The following IQGAP2 variants were observed in gnomAD, a reference collection of about 807,000 sequenced individuals.
The protein encoded by IQGAP2 is IQ motif containing GTPase activating protein 2.
Under a neutral mutation model 201.3 loss-of-function variants are expected in IQGAP2, and 173 were observed. That is an observed-to-expected ratio of 0.86 (90% CI 0.76 to 0.98). The LOEUF (loss-of-function observed/expected upper bound fraction) is 0.98, where lower values mean the gene tolerates loss of function less well. IQGAP2 is among the 50% of genes least tolerant of loss of function. IQGAP2 has a pLI of 0.00. For missense variants in IQGAP2, 1,687 were observed against 1,864.8 expected (o/e 0.90, Z 1.76); for synonymous variants, 675 against 673.9 (o/e 1.00, Z -0.03).
rs113048490 is a variant in IQGAP2 at position 76,583,383 on chromosome 5, C to T, written c.459-5523C>T. On this transcript the variant is annotated intron_variant, in intron 5 of 35. Coordinates refer to ENST00000274364, the MANE Select transcript of IQGAP2 (RefSeq NM_006633.5). Reference sequence around the variant, plus strand: ...TCCCACACAGAGATTAGGTGTAAAACGCCCATACCATGAAAAGTGATCTTT... The same window carrying T: ...TCCCACACAGAGATTAGGTGTAAAATGCCCATACCATGAAAAGTGATCTTT... Among the ~76,000 whole-genome samples the T allele has an allele frequency of 8.3e-3, 1,267 of 151,910 alleles. 16 individuals carry two copies. Among genetic ancestry groups the T allele is most frequent in the African/African-American group, 0.028 (1,172 of 41,404 alleles).
chr5:76,455,214 T>A (rs1754003064), intron 1 of IQGAP2, among the ~76,000 whole-genome samples: 1 of 151,976 alleles, frequency 6.6e-6, no homozygotes, highest in African/African-American at 2.4e-5. Flanking sequence ...TTTGGGAGGC[T>A]GAGGTGGGCA....
At chr5:76,684,551 T>G (rs1221223093) in intron 30 of IQGAP2, among the ~76,000 whole-genome samples, 1 of 152,144 alleles carries the variant, frequency 6.6e-6, no homozygotes, top group Non-Finnish European at 1.5e-5. Flanking sequence ...TACAACACCA[T>G]AAATCAAAAG....
chr5:76,571,399 GT>G (rs1457380280), intron 4 of IQGAP2, among the ~76,000 whole-genome samples: 1 of 152,024 alleles, frequency 6.6e-6, no homozygotes, highest in African/African-American at 2.4e-5. Flanking sequence ...GGCCAGGCTG[GT>G]CTCAGTCTCC....
chr5:76,520,921 C>T (rs1758646358), intron 2 of IQGAP2, among the ~76,000 whole-genome samples: 1 of 151,816 alleles, frequency 6.6e-6, no homozygotes, highest in South Asian at 2.1e-4. Context: ...GCTGGCCAGG[C>T]TGGTCTCAAA....
chr5:76,443,126 G>A (rs1292821317), intron 1 of IQGAP2, among the ~76,000 whole-genome samples: 1 of 152,206 alleles, frequency 6.6e-6, no homozygotes, highest in Non-Finnish European at 1.5e-5. Flanking sequence ...GTTTTAGGAA[G>A]GGGCTGGACA....
intron 7 of IQGAP2, 46 bp downstream of exon 7, chr5:76,589,774 C>G (rs1235910105): frequency 1.0e-6 from 1 of 968,088 alleles, no homozygotes; most frequent in Non-Finnish European, 1.5e-6. Context: ...TGAGACTTAC[C>G]TGTACTTTAC....
At chr5:76,526,781 A>G (rs1759000551) in intron 2 of IQGAP2, among the ~76,000 whole-genome samples, 1 of 152,110 alleles carries the variant, frequency 6.6e-6, no homozygotes, top group Non-Finnish European at 1.5e-5. Context: ...AGGTCTGGCT[A>G]CTCTATTAGA....
intron 19 of IQGAP2, 59 bp downstream of exon 19, chr5:76,654,330 A>G: frequency 1.8e-6 from 2 of 1,094,152 alleles, no homozygotes; most frequent in South Asian, 2.7e-5. Flanking sequence ...TGAATGCTTT[A>G]TTGAAAGTTA....
At chr5:76,659,482 G>A (rs138885057) in intron 21 of IQGAP2, among the ~76,000 whole-genome samples, 4 of 152,160 alleles carry the variant, frequency 2.6e-5, no homozygotes, top group African/African-American at 9.7e-5. Flanking sequence ...ACAACTATTT[G>A]TAAAGTTCAA....
chr5:76,443,488 T>TA (rs1180197454), intron 1 of IQGAP2, among the ~76,000 whole-genome samples: 3 of 149,764 alleles, frequency 2.0e-5, no homozygotes, highest in Admixed American at 1.3e-4. Context: ...TTTTTTTAAT[T>TA]AAAAAAAAAT....
At chr5:76,447,402 C>T (rs1036613503) in intron 1 of IQGAP2, among the ~76,000 whole-genome samples, 3 of 152,106 alleles carry the variant, frequency 2.0e-5, no homozygotes, top group Admixed American at 1.3e-4. Context: ...GCATTCAAGC[C>T]GGCAATGGCA....
chr5:76,681,590 G>A (rs140150764), intron 28 of IQGAP2, among the ~76,000 whole-genome samples: 38 of 151,904 alleles, frequency 2.5e-4, no homozygotes, highest in African/African-American at 9.2e-4. Flanking sequence ...TGCAACCCTT[G>A]CACCCCGTTG....
At chr5:76,559,193 A>G (rs879387136) in intron 2 of IQGAP2, among the ~76,000 whole-genome samples, 3 of 152,070 alleles carry the variant, frequency 2.0e-5, no homozygotes, top group South Asian at 2.1e-4. Flanking sequence ...GAGCCACCGC[A>G]CCTGGCCCTC....
Position 76,698,095 on chromosome 5 carries a change from A to T in IQGAP2, c.4315A>T (p.Ile1439Phe). ...NKKAAFYEEQ[I>F]NYYDTYIKTC... ...GAAGGCAGCATTTTATGAAGAGCAA[A>T]TCAATTATTATGACACCTACATAAA... Residue 1439 changes from isoleucine to phenylalanine, a missense_variant, in exon 33 of 36, where the codon ATC becomes TTC. Transcript: ENST00000274364. 2 of 1,611,524 alleles carry T rather than the reference A, an allele frequency of 1.2e-6. No individual in the cohort carries two copies. Among genetic ancestry groups the T allele is most frequent in the Non-Finnish European group, 1.7e-6 (2 of 1,177,740 alleles).
chr5:76,516,989 G>T (rs976521965), intron 2 of IQGAP2, among the ~76,000 whole-genome samples: 3 of 152,102 alleles, frequency 2.0e-5, no homozygotes, highest in Non-Finnish European at 1.5e-5. Context: ...CCCCTTTCCT[G>T]TCAATGTGGA....
chr5:76,588,034 GTTTGT>G (rs1346633953), intron 5 of IQGAP2, among the ~76,000 whole-genome samples: 1 of 151,208 alleles, frequency 6.6e-6, no homozygotes, highest in African/African-American at 2.4e-5. Flanking sequence ...CATTTTAAGA[GTTTGT>G]TTTAATACCA....
At chr5:76,437,555 T>G (rs1301105646) in intron 1 of IQGAP2, among the ~76,000 whole-genome samples, 1 of 152,030 alleles carries the variant, frequency 6.6e-6, no homozygotes, top group Non-Finnish European at 1.5e-5. Flanking sequence ...GGCCCCACCG[T>G]GTGTTGTTCC....
chr5:76,678,070 G>C (rs1744980679), intron 28 of IQGAP2, among the ~76,000 whole-genome samples: 1 of 152,154 alleles, frequency 6.6e-6, no homozygotes. Flanking sequence ...CCCTCTTCCA[G>C]GAACCCTCTC....
intron 13 of IQGAP2, 53 bp downstream of exon 13, chr5:76,611,236 G>C: frequency 7.1e-7 from 1 of 1,403,106 alleles, no homozygotes; most frequent in Non-Finnish European, 9.8e-7. Context: ...GGTGGCAGAG[G>C]GAGAGAAGGA....
Sources: allele counts gnomAD v4.1 joint callset (sites outside exome capture counted in the v4.1 genomes callset), GRCh38; gene constraint gnomAD v4.1.1; transcripts MANE v1.5; gene names NCBI Gene and HGNC (gene_info 2026-07-23, HGNC 2026-07-21).